AGBL4: variants seen among roughly 807,000 people sequenced by gnomAD.
The protein encoded by AGBL4 is cytosolic carboxypeptidase 6.
A neutral mutation model predicts 66.4 loss-of-function variants in AGBL4; 58 were observed. That is an observed-to-expected ratio of 0.87 (90% CI 0.71 to 1.09). The LOEUF (loss-of-function observed/expected upper bound fraction) is 1.09, where lower values mean the gene tolerates loss of function less well. Among genes scored for constraint, AGBL4 ranks in the 50% least tolerant of loss-of-function variants. The pLI is 0.00. For synonymous variants in AGBL4, 234 were observed against 222.9 expected (o/e 1.05, Z -0.44); for missense variants, 579 against 631.0 (o/e 0.92, Z 0.88).
chr1:49,873,937 T>G (rs1242953468), intron 1 of AGBL4, among the ~76,000 whole-genome samples: 2 of 151,968 alleles, frequency 1.3e-5, no homozygotes, highest in Non-Finnish European at 2.9e-5. Flanking sequence ...GCCAATACAA[T>G]TTCAAAAAAC....
At chr1:49,408,161 C>A (rs191012342) in intron 3 of AGBL4, among the ~76,000 whole-genome samples, 70 of 152,286 alleles carry the variant, frequency 4.6e-4, no homozygotes, top group Admixed American at 3.0e-3. Context: ...CTTCCTGTAA[C>A]TCCTGTCCTA....
chr1:48,637,451 T>C (rs750221489), intron 8 of AGBL4, among the ~76,000 whole-genome samples: 1 of 152,154 alleles, frequency 6.6e-6, no homozygotes, highest in African/African-American at 2.4e-5. Context: ...CCTCCATCAT[T>C]ACAAGATGAG....
At chr1:49,973,253 C>T (rs1002791666) in intron 1 of AGBL4, among the ~76,000 whole-genome samples, 1 of 152,212 alleles carries the variant, frequency 6.6e-6, no homozygotes, top group African/African-American at 2.4e-5. Context: ...CCATAAACAG[C>T]AGCCCTAGTG....
At chr1:49,665,455 T>A (rs1646347009) in intron 3 of AGBL4, among the ~76,000 whole-genome samples, 1 of 152,180 alleles carries the variant, frequency 6.6e-6, no homozygotes, top group Admixed American at 6.6e-5. Flanking sequence ...AGAAATAATA[T>A]TACTTAATTC....
At chr1:48,948,990 C>G (rs1426752631) in intron 5 of AGBL4, among the ~76,000 whole-genome samples, 1 of 152,178 alleles carries the variant, frequency 6.6e-6, no homozygotes, top group African/African-American at 2.4e-5. Context: ...GACGTTTCAT[C>G]TGAGGAACCA....
intron 6 of AGBL4, among the ~76,000 whole-genome samples, chr1:48,666,227 C>T (rs898966182): frequency 1.3e-5 from 2 of 152,024 alleles, no homozygotes; most frequent in African/African-American, 4.8e-5. Context: ...GGTGACTACC[C>T]CACCCCCTCC....
rs148693680 is a variant in AGBL4, at chr1:48,978,423, T to C, written c.594+67161A>G. ...GTTTCTATGAGTTAAACCCCAGAAG[T>C]AGCTGTTGGGTCCAGCTTCCAGCTT... On this transcript the variant is annotated intron_variant, in intron 5 of 13. Coordinates refer to ENST00000371839, the MANE Select transcript of AGBL4 (RefSeq NM_032785.4). Among the ~76,000 whole-genome samples, 651 of 152,292 alleles carry C rather than the reference T, an allele frequency of 4.3e-3. 5 individuals carry two copies. Among genetic ancestry groups the C allele is most frequent in the Admixed American group, 0.013 (206 of 15,276 alleles).
intron 2 of AGBL4, among the ~76,000 whole-genome samples, chr1:49,824,022 C>T (rs546565545): frequency 6.6e-6 from 1 of 152,070 alleles, no homozygotes; most frequent in East Asian, 1.9e-4. Flanking sequence ...GCCAGCCTGA[C>T]CAACATGGAG....
At chr1:49,909,234 T>C (rs1012568248) in intron 1 of AGBL4, among the ~76,000 whole-genome samples, 21 of 152,292 alleles carry the variant, frequency 1.4e-4, no homozygotes, top group African/African-American at 5.1e-4. Context: ...GTAAGAGTTA[T>C]GTAAGAGCTT....
chr1:48,554,077 T>C (rs979990784), intron 11 of AGBL4, among the ~76,000 whole-genome samples: 8 of 152,114 alleles, frequency 5.3e-5, no homozygotes, highest in Admixed American at 2.6e-4. Flanking sequence ...TGGGTGAGAA[T>C]TGGGGTTCGG....
chr1:48,943,566 A>G (rs1254746026), intron 5 of AGBL4, among the ~76,000 whole-genome samples: 1 of 152,248 alleles, frequency 6.6e-6, no homozygotes, highest in African/African-American at 2.4e-5. Flanking sequence ...TGCTCAGAAC[A>G]TACTATGTTC....
At chr1:49,377,079 G>A (rs377199525) in intron 3 of AGBL4, among the ~76,000 whole-genome samples, 36 of 152,086 alleles carry the variant, frequency 2.4e-4, no homozygotes, top group South Asian at 1.0e-3. Flanking sequence ...AAAAATTTCC[G>A]GAGTAGGTAT....
intron 4 of AGBL4, among the ~76,000 whole-genome samples, chr1:49,185,001 A>T (rs905241435): frequency 1.3e-5 from 2 of 152,268 alleles, no homozygotes; most frequent in African/African-American, 2.4e-5. Context: ...AAGTGTTTTC[A>T]TATGTATTTG....
rs932555821 is a variant in AGBL4 at position 49,015,589 on chromosome 1, A to AT, written c.594+29994dup. Among the ~76,000 whole-genome samples, 199 of 148,544 alleles carry AT rather than the reference A, an allele frequency of 1.3e-3. 1 individual carries two copies. Among genetic ancestry groups the AT allele is most frequent in the South Asian group, 8.1e-3 (38 of 4,674 alleles). ...AGGCGCCCGCCACCACGCCTGGCTA[A>AT]TTTTTTTTTTATTTTTAGTACAGAC... is the stretch of plus-strand genomic sequence containing the variant. On this transcript the variant is annotated intron_variant, in intron 5 of 13. Transcript: ENST00000371839.
At chr1:49,408,621 A>C (rs1645253530) in intron 3 of AGBL4, among the ~76,000 whole-genome samples, 1 of 152,224 alleles carries the variant, frequency 6.6e-6, no homozygotes, top group Non-Finnish European at 1.5e-5. Context: ...TGACTTGCTG[A>C]GTCTTAGGGC....
intron 3 of AGBL4, among the ~76,000 whole-genome samples, chr1:49,628,421 C>G (rs1364363754): frequency 1.3e-5 from 2 of 152,108 alleles, no homozygotes; most frequent in Non-Finnish European, 2.9e-5. Context: ...ACCTCCAGAA[C>G]TGAATGAGGC....
intron 4 of AGBL4, among the ~76,000 whole-genome samples, chr1:49,060,118 C>T (rs970861953): frequency 6.6e-6 from 1 of 152,014 alleles, no homozygotes; most frequent in Non-Finnish European, 1.5e-5. Flanking sequence ...GGCTGTGTCT[C>T]CACCCAATCT....
At chr1:49,349,695 T>C (rs1258579777) in intron 3 of AGBL4, among the ~76,000 whole-genome samples, 1 of 152,210 alleles carries the variant, frequency 6.6e-6, no homozygotes, top group Non-Finnish European at 1.5e-5. Context: ...GGCAGTGTTA[T>C]GGGCTGAATT....
intron 6 of AGBL4, among the ~76,000 whole-genome samples, chr1:48,855,947 C>G (rs114417528): frequency 6.6e-6 from 1 of 152,020 alleles, no homozygotes; most frequent in Non-Finnish European, 1.5e-5. Context: ...AAACAAGAAT[C>G]AAGTTAAATA....
Sources: allele counts gnomAD v4.1 joint callset (sites outside exome capture counted in the v4.1 genomes callset), GRCh38; gene constraint gnomAD v4.1.1; transcripts MANE v1.5; gene names NCBI Gene and HGNC (gene_info 2026-07-23, HGNC 2026-07-21).